The following ITGA8 variants were observed in gnomAD, a reference collection of about 807,000 sequenced individuals.
ITGA8 encodes the protein integrin subunit alpha 8, also known as integrin alpha-8.
A neutral mutation model predicts 142.3 loss-of-function variants in ITGA8; 91 were observed. The observed-to-expected ratio is 0.64, with a 90% CI of 0.54 to 0.76. ITGA8 has a LOEUF of 0.76. ITGA8 is among the 30% of genes least tolerant of loss of function. The pLI is 0.00. For missense variants in ITGA8, 1,406 were observed against 1,327.7 expected (o/e 1.06, Z -0.92); for synonymous variants, 505 against 485.2 (o/e 1.04, Z -0.54).
chr10:15,607,588 G>C, intron 17 of ITGA8, 89 bp downstream of exon 17: 1 of 1,247,128 alleles, frequency 8.0e-7, no homozygotes, highest in Non-Finnish European at 1.2e-6. Context: ...GGGGGTCTAT[G>C]CAGACAAACA....
chr10:15,527,264 G>A (rs939700196), intron 28 of ITGA8, among the ~76,000 whole-genome samples: 2 of 152,110 alleles, frequency 1.3e-5, no homozygotes, highest in African/African-American at 4.8e-5. Context: ...TCCATATTAA[G>A]GTATTAAGGT....
intron 8 of ITGA8, among the ~76,000 whole-genome samples, chr10:15,670,734 C>G (rs1834496524): frequency 6.6e-6 from 1 of 152,182 alleles, no homozygotes; most frequent in Non-Finnish European, 1.5e-5. Context: ...TACTCCTCAG[C>G]TGAAACCTTT....
intron 12 of ITGA8, among the ~76,000 whole-genome samples, chr10:15,646,545 A>G (rs1400916976): frequency 1.3e-5 from 2 of 152,190 alleles, no homozygotes; most frequent in Non-Finnish European, 2.9e-5. Flanking sequence ...AAGGAGATCA[A>G]TTATACTAAA....
intron 25 of ITGA8, among the ~76,000 whole-genome samples, chr10:15,570,284 A>G (rs554685523): frequency 7.9e-5 from 12 of 152,308 alleles, no homozygotes; most frequent in Middle Eastern, 3.4e-3. Flanking sequence ...TTAGCCTCAG[A>G]CAGAATTTTA....
chr10:15,519,251 C>T, intron 29 of ITGA8, 39 bp downstream of exon 29: 1 of 1,609,172 alleles, frequency 6.2e-7, no homozygotes, highest in Non-Finnish European at 8.5e-7. Context: ...CCTCAACAGC[C>T]CCTCTAGTTT....
chr10:15,700,274 C>T (rs145222480), intron 2 of ITGA8, among the ~76,000 whole-genome samples: 1 of 152,182 alleles, frequency 6.6e-6, no homozygotes, highest in Admixed American at 6.5e-5. Flanking sequence ...TAAAACCTGA[C>T]TTGGCCCAAG....
At chr10:15,542,741 A>G (rs1833596309) in intron 27 of ITGA8, among the ~76,000 whole-genome samples, 1 of 152,224 alleles carries the variant, frequency 6.6e-6, no homozygotes, top group Non-Finnish European at 1.5e-5. Flanking sequence ...GGAAGGCCAT[A>G]TAATATCTAT....
At chr10:15,629,698 AG>A (rs1833650861) in intron 13 of ITGA8, among the ~76,000 whole-genome samples, 2 of 152,196 alleles carry the variant, frequency 1.3e-5, no homozygotes, top group Non-Finnish European at 2.9e-5. Context: ...AGGCCAAGGC[AG>A]GTGGATCACT....
chr10:15,636,015 A>T (rs1833767058), intron 13 of ITGA8, among the ~76,000 whole-genome samples: 1 of 151,940 alleles, frequency 6.6e-6, no homozygotes, highest in Non-Finnish European at 1.5e-5. Context: ...ATTGTCTGAA[A>T]TGGCTTCATG....
intron 2 of ITGA8, among the ~76,000 whole-genome samples, chr10:15,701,138 T>C (rs897849927): frequency 6.6e-6 from 1 of 152,204 alleles, no homozygotes; most frequent in Non-Finnish European, 1.5e-5. Context: ...GATCCCACTT[T>C]TCTTTAAAAG....
At chr10:15,655,264 A>G (rs1834161062) in intron 11 of ITGA8, 90 bp downstream of exon 11, 1 of 861,234 alleles carries the variant, frequency 1.2e-6, no homozygotes, top group Admixed American at 2.4e-5. Context: ...TGTTGAGGCA[A>G]TAAGGAAGGG....
At chr10:15,683,226 A>T (rs999219977) in intron 4 of ITGA8, among the ~76,000 whole-genome samples, 2 of 152,090 alleles carry the variant, frequency 1.3e-5, no homozygotes, top group African/African-American at 4.8e-5. Context: ...GCACACTGAA[A>T]ACTGGAGGAG....
rs771579677 is a variant in ITGA8 at position 15,677,618 on chromosome 10, C to A, written c.650G>T (p.Gly217Val). Reference sequence around the variant, plus strand: ...TTGCCAGTAGAAACTCCCAGGTCCTCCCACAATAAGGTCTCCATTCTACAA... The same window carrying A: ...TTGCCAGTAGAAACTCCCAGGTCCTACCACAATAAGGTCTCCATTCTACAA... ...DFYKNGDLIV[G>V]GPGSFYWQGQ... Residue 217 changes from glycine to valine, a missense_variant, in exon 6 of 30, where the codon GGA becomes GTA. Physicochemically the swap from Gly to Val is moderately radical, Grantham distance 109. Transcript: ENST00000378076. The A allele has an allele frequency of 6.2e-7, 1 of 1,613,364 alleles. No homozygotes were observed. The highest frequency in any genetic ancestry group is 8.5e-7 in the Non-Finnish European group (1 of 1,179,716).
intron 2 of ITGA8, among the ~76,000 whole-genome samples, chr10:15,693,543 A>G (rs1253067050): frequency 7.9e-5 from 12 of 152,190 alleles, no homozygotes; most frequent in Non-Finnish European, 1.5e-4. Flanking sequence ...AGTGCACATG[A>G]CTAACAAAGA....
intron 4 of ITGA8, among the ~76,000 whole-genome samples, chr10:15,681,559 T>C (rs1033119735): frequency 7.9e-5 from 12 of 152,172 alleles, no homozygotes; most frequent in Admixed American, 7.2e-4. Context: ...CTGAAACTTT[T>C]CCCCTACAAG....
At chr10:15,536,002 G>A (rs1339478401) in intron 27 of ITGA8, among the ~76,000 whole-genome samples, 1 of 151,884 alleles carries the variant, frequency 6.6e-6, no homozygotes, top group African/African-American at 2.4e-5. Context: ...CACCGAGAAG[G>A]TCCGCAGCTT....
Position 15,558,158 on chromosome 10 carries a change from C to CA in ITGA8, c.2681dup (p.Leu894PhefsTer71). 6.2e-7 allele frequency: 1 copy of CA among 1,614,198 alleles called. No homozygotes were observed. The highest frequency in any genetic ancestry group is 1.1e-5 in the South Asian group (1 of 91,078). ...CAAGATGAGGAATAGTAGAGTTTCG[C>CA]AAAAAGGCGCTGAGCTCAGGGGTGT... On this transcript the variant is annotated frameshift_variant, in exon 26 of 30. Transcript: ENST00000378076. LOFTEE classifies it high-confidence loss of function.
At chr10:15,584,255 C>G (rs893059918) in intron 23 of ITGA8, among the ~76,000 whole-genome samples, 2 of 151,992 alleles carry the variant, frequency 1.3e-5, no homozygotes, top group Admixed American at 6.6e-5. Flanking sequence ...TGAGATCATG[C>G]CACTGCACTC....
intron 22 of ITGA8, among the ~76,000 whole-genome samples, chr10:15,587,018 A>G (rs1832844296): frequency 6.6e-6 from 1 of 151,998 alleles, no homozygotes. Context: ...TGCCTCCCCA[A>G]TTCAAGTGAT....
Sources: gnomAD v4.1 joint callset for allele counts (sites outside exome capture counted in the v4.1 genomes callset) on GRCh38, gnomAD v4.1.1 for gene constraint, MANE v1.5 for transcripts, NCBI Gene and HGNC (gene_info 2026-07-23, HGNC 2026-07-21) for gene names.